Variants in SPATA7 observed in about 807,000 individuals in gnomAD.
SPATA7 encodes the protein spermatogenesis-associated protein 7.
SPATA7 carries 43 observed loss-of-function variants against 51.8 expected under a neutral mutation model. That is an observed-to-expected ratio of 0.83 (90% CI 0.65 to 1.07). The LOEUF (loss-of-function observed/expected upper bound fraction) is 1.07. SPATA7 is among the 50% of genes least tolerant of loss of function. The pLI, the probability that SPATA7 is intolerant of heterozygous loss-of-function variation, is 0.00. For synonymous variants in SPATA7, 230 were observed against 252.8 expected, an observed-to-expected ratio of 0.91 and a Z score of 0.86; for missense variants, 683 against 701.3, an observed-to-expected ratio of 0.97 and a Z score of 0.30.
chr14:88,415,249 C>A, intron 4 of SPATA7: 1 of 363,672 alleles, frequency 2.7e-6, no homozygotes, highest in Non-Finnish European at 5.8e-6. Context: ...GTGTTGGGTG[C>A]AAATATACCT....
chr14:88,439,872 CT>C (rs970742459), downstream of SPATA7, among the ~76,000 whole-genome samples: 1 of 152,094 alleles, frequency 6.6e-6, no homozygotes, highest in Non-Finnish European at 1.5e-5. Context: ...TGCTACAACC[CT>C]TTTTTGGCAC....
chr14:88,455,819 T>G (rs2140054683), downstream of SPATA7, among the ~76,000 whole-genome samples: 1 of 152,168 alleles, frequency 6.6e-6, no homozygotes, highest in Admixed American at 6.5e-5. Flanking sequence ...GTTGGTGTGC[T>G]GCACCCATTA....
intron 4 of SPATA7, chr14:88,416,073 C>T (rs1595239887): frequency 1.3e-5 from 2 of 152,580 alleles, no homozygotes; most frequent in Middle Eastern, 6.8e-3. Flanking sequence ...TGTGGTCTCC[C>T]CTGAAGCAGA....
intron 8 of SPATA7, among the ~76,000 whole-genome samples, chr14:88,429,696 C>T (rs543472118): frequency 9.4e-4 from 143 of 152,150 alleles, no homozygotes; most frequent in African/African-American, 3.4e-3. Context: ...AAAAACCACA[C>T]CAACTTGTAT....
At position 88,429,349 on chromosome 14, in the gene SPATA7, C is replaced by T. The variant is rs893586816; in HGVS notation, c.914C>T (p.Ala305Val). 6.4e-7 allele frequency: 1 copy of T among 1,571,770 alleles called. No homozygotes were observed. The highest frequency in any genetic ancestry group is 8.8e-7 in the Non-Finnish European group (1 of 1,142,074). ...ATATTTTTTTTATTGCATCCCCAGG[C>T]ATCTAATTGTGTGACATATGATGCC... The part of the protein sequence containing the change: ...MTDSEMNIKQ[A>V]SNCVTYDAKE... The change falls in exon 8 of 12, where the codon GCA (alanine) becomes GTA (valine). Residue 305 changes from alanine to valine, a missense_variant and splice_region_variant. Ala to Val is a moderately conservative substitution (Grantham distance 64). Transcript: ENST00000393545.
intron 10 of SPATA7, among the ~76,000 whole-genome samples, chr14:88,434,418 G>A (rs1189381959): frequency 6.6e-6 from 1 of 152,142 alleles, no homozygotes. Context: ...TGGGCGCAGT[G>A]GCTCACACCA....
At chr14:88,396,018 A>C in intron 3 of SPATA7, 138 bp from the exon 4 acceptor site, 1 of 716,028 alleles carries the variant, frequency 1.4e-6, no homozygotes, top group Non-Finnish European at 2.5e-6. Context: ...TGTATTTTTA[A>C]TCAAGGATCT....
At chr14:88,457,527 G>A (rs551735373), downstream of SPATA7, among the ~76,000 whole-genome samples, 5 of 152,238 alleles carry the variant, frequency 3.3e-5, 1 homozygote, top group South Asian at 6.2e-4. Flanking sequence ...CTCTCTGTTC[G>A]TCTGTGATTT....
At chr14:88,452,734 T>G (rs1327240964) in intron 3 of SPATA7, among the ~76,000 whole-genome samples, 5 of 152,174 alleles carry the variant, frequency 3.3e-5, no homozygotes, top group Non-Finnish European at 5.9e-5. Flanking sequence ...GCTAGTATTT[T>G]TAAACAAACC....
chr14:88,385,840 A>G lies in SPATA7; in HGVS notation c.19+3A>G. The G allele has an allele frequency of 6.2e-7, 1 of 1,602,776 alleles. No individual in the cohort carries two copies. The highest frequency in any genetic ancestry group is 8.5e-7 in the Non-Finnish European group (1 of 1,175,380). The stretch of plus-strand genomic sequence containing the variant: ...AAGCATGGATGGCAGCCGGAGAGGT[A>G]AAGGGCAGCTGTCAGGGGCTACCGC... On this transcript the variant is annotated splice_donor_region_variant and intron_variant, in intron 1 of 11. Coordinates refer to ENST00000393545, the MANE Select transcript of SPATA7 (RefSeq NM_018418.5).
chr14:88,419,444 CT>C (rs1010507480), intron 5 of SPATA7, among the ~76,000 whole-genome samples: 409 of 95,608 alleles, frequency 4.3e-3, no homozygotes, highest in Non-Finnish European at 4.9e-3. Flanking sequence ...ATGTTTTCTT[CT>C]TTTTTTTTTT....
chr14:88,468,010 C>G, intron 4 of SPATA7: 2 of 1,205,702 alleles, frequency 1.7e-6, no homozygotes, highest in South Asian at 1.3e-5. Context: ...ATTCAGACTG[C>G]GCCACTTACG....
rs533848312 is a variant in SPATA7 at position 88,415,631 on chromosome 14, T to C, written c.239-1080T>C. On this transcript the variant is annotated intron_variant, in intron 4 of 11. Transcript: ENST00000393545. Reference sequence around the variant, plus strand: ...AATATTGATATGTGAGGTTTGATCCTGTCATGGTGGTGTTTGCTGTTTGCT... The same window carrying C: ...AATATTGATATGTGAGGTTTGATCCCGTCATGGTGGTGTTTGCTGTTTGCT... Among the ~76,000 whole-genome samples the C allele has an allele frequency of 1.2e-3, 188 of 152,304 alleles. 1 individual carries two copies. The highest frequency in any genetic ancestry group is 4.4e-3 in the African/African-American group (183 of 41,566).
chr14:88,463,377 G>C (rs1391394630), intron 4 of SPATA7, among the ~76,000 whole-genome samples: 1 of 151,994 alleles, frequency 6.6e-6, no homozygotes, highest in Non-Finnish European at 1.5e-5. Context: ...AACAAACGCT[G>C]GCATACGTTC....
chr14:88,405,458 A>G (rs1216693246), intron 4 of SPATA7, among the ~76,000 whole-genome samples: 1 of 152,210 alleles, frequency 6.6e-6, no homozygotes, highest in Admixed American at 6.5e-5. Flanking sequence ...AATCCAGATG[A>G]GAAATAATGG....
intron 5 of SPATA7, among the ~76,000 whole-genome samples, chr14:88,423,744 C>T (rs1271942263): frequency 8.3e-4 from 1 of 1,208 alleles, no homozygotes; most frequent in African/African-American, 9.7e-4. Flanking sequence ...TGCAGTGGCG[C>T]GATCTCGGCT....
At chr14:88,424,990 TA>T (rs991777452) in intron 5 of SPATA7, among the ~76,000 whole-genome samples, 3 of 152,016 alleles carry the variant, frequency 2.0e-5, no homozygotes, top group African/African-American at 4.8e-5. Flanking sequence ...TTTTATGCTG[TA>T]AAAAAAATCT....
intron 4 of SPATA7, among the ~76,000 whole-genome samples, chr14:88,460,903 C>T (rs1005023878): frequency 6.6e-6 from 1 of 152,204 alleles, no homozygotes; most frequent in Admixed American, 6.5e-5. Flanking sequence ...GATGTCCTTT[C>T]TGTTTGTTAG....
chr14:88,451,334 T>G (rs4375590), intron 3 of SPATA7, among the ~76,000 whole-genome samples: 33,251 of 151,684 alleles, frequency 0.22, 3,913 homozygotes, highest in East Asian at 0.3. Context: ...CACAGCTGGT[T>G]AATTTTTCTA....
Sources: gnomAD v4.1 joint callset for allele counts (sites outside exome capture counted in the v4.1 genomes callset) on GRCh38, gnomAD v4.1.1 for gene constraint, MANE v1.5 for transcripts, NCBI Gene and HGNC (gene_info 2026-07-23, HGNC 2026-07-21) for gene names.